COG5: variants seen among roughly 807,000 people sequenced by gnomAD.
COG5 encodes the protein conserved oligomeric Golgi complex subunit 5.
In COG5, 86 loss-of-function variants were observed where a neutral mutation model predicts 110.4. That is an observed-to-expected ratio of 0.78 (90% CI 0.65 to 0.93). COG5 has a LOEUF of 0.93. COG5 is among the 40% of genes least tolerant of loss of function. COG5 has a pLI of 0.00. For missense variants in COG5, 1,077 were observed against 987.0 expected (o/e 1.09, Z -1.22); for synonymous variants, 360 against 334.6 (o/e 1.08, Z -0.83).
chr7:107,501,482 T>C (rs998600704), intron 6 of COG5, among the ~76,000 whole-genome samples: 12 of 152,138 alleles, frequency 7.9e-5, no homozygotes, highest in Non-Finnish European at 1.5e-4. Context: ...CTAGAAATGC[T>C]TGCAACTTTA....
chr7:107,516,136 G>A (rs543304785), intron 6 of COG5, among the ~76,000 whole-genome samples: 2 of 152,220 alleles, frequency 1.3e-5, no homozygotes, highest in South Asian at 4.1e-4. Context: ...GCATTAAAAA[G>A]TACAATAAAT....
chr7:107,212,140 T>C (rs1157561259), intron 19 of COG5, among the ~76,000 whole-genome samples: 11 of 152,346 alleles, frequency 7.2e-5, no homozygotes, highest in Admixed American at 5.2e-4. Flanking sequence ...ATGTTCTCAA[T>C]AGATAGCTGG....
intron 14 of COG5, among the ~76,000 whole-genome samples, chr7:107,276,858 C>T (rs1439796287): frequency 6.6e-6 from 1 of 152,156 alleles, no homozygotes; most frequent in Non-Finnish European, 1.5e-5. Context: ...TATAACCTCA[C>T]AATTGCTGTC....
At chr7:107,428,561 C>T (rs889134509) in intron 6 of COG5, among the ~76,000 whole-genome samples, 2 of 152,332 alleles carry the variant, frequency 1.3e-5, no homozygotes, top group Non-Finnish European at 1.5e-5. Context: ...GAGAGTATGG[C>T]TCTGTTAACA....
intron 16 of COG5, among the ~76,000 whole-genome samples, chr7:107,254,668 T>C (rs74934104): frequency 1.3e-5 from 2 of 152,204 alleles, no homozygotes; most frequent in East Asian, 3.8e-4. Context: ...CAATTTTCCC[T>C]GCACTGACTC....
At chr7:107,267,443 A>G (rs1175013772) in intron 14 of COG5, among the ~76,000 whole-genome samples, 1 of 152,234 alleles carries the variant, frequency 6.6e-6, no homozygotes, top group Non-Finnish European at 1.5e-5. Flanking sequence ...AATTAAATTT[A>G]GAGTCATAAG....
Position 107,319,786 on chromosome 7 carries a change from T to C in COG5, c.1108+4654A>G, listed in dbSNP as rs374554842. Among the ~76,000 whole-genome samples the C allele has an allele frequency of 5.9e-5, 9 of 152,098 alleles. No homozygotes were observed. In the East Asian group the frequency reaches 7.7e-4, roughly 13 times the overall value. Reference sequence around the variant, plus strand: ...GCTGAGTGACTGAGTGATAAGAAACTGGTTTTCTCCAGTTTCAAAAAACAT... The same window carrying C: ...GCTGAGTGACTGAGTGATAAGAAACCGGTTTTCTCCAGTTTCAAAAAACAT... On this transcript the variant is annotated intron_variant, in intron 11 of 21. Transcript: ENST00000297135.
intron 12 of COG5, among the ~76,000 whole-genome samples, chr7:107,289,538 GC>G (rs1805984411): frequency 6.6e-6 from 1 of 152,074 alleles, no homozygotes; most frequent in Non-Finnish European, 1.5e-5. Context: ...AAAGAACTCA[GC>G]TGAGATTCTG....
At chr7:107,447,095 T>C (rs1471546551) in intron 6 of COG5, among the ~76,000 whole-genome samples, 4 of 152,188 alleles carry the variant, frequency 2.6e-5, no homozygotes, top group African/African-American at 9.6e-5. Flanking sequence ...TCCTTGTAGT[T>C]GCAGCACTGA....
intron 6 of COG5, among the ~76,000 whole-genome samples, chr7:107,483,504 G>A (rs1797468006): frequency 6.6e-6 from 1 of 152,012 alleles, no homozygotes; most frequent in Non-Finnish European, 1.5e-5. Flanking sequence ...TTGGGAGTTC[G>A]AGACCAGCCT....
At chr7:107,229,299 A>G (rs1200813154) in intron 19 of COG5, among the ~76,000 whole-genome samples, 4 of 152,126 alleles carry the variant, frequency 2.6e-5, no homozygotes, top group Non-Finnish European at 5.9e-5. Context: ...AAATACAAAA[A>G]TTAGCTGAGT....
In COG5 at chr7:107,404,497, C is replaced by T. The variant is rs558840920; in HGVS notation, c.669+8005G>A. Among the ~76,000 whole-genome samples, 46 of 152,156 alleles carry T rather than the reference C, an allele frequency of 3.0e-4. 1 individual carries two copies. In the South Asian group the frequency reaches 9.1e-3, roughly 30 times the overall value. ...AATTTGAGGATAAAATACATATAAG[C>T]TGTAGCATCTGTTCTAACAGGGAGC... On this transcript the variant is annotated intron_variant, in intron 7 of 21. Transcript: ENST00000297135.
At chr7:107,206,552 C>T (rs759487437) in intron 21 of COG5, among the ~76,000 whole-genome samples, 11 of 152,272 alleles carry the variant, frequency 7.2e-5, no homozygotes, top group Non-Finnish European at 1.5e-4. Context: ...TAAAGAAATC[C>T]CCAAGGGCTC....
chr7:107,559,008 G>A (rs897094791), intron 1 of COG5, among the ~76,000 whole-genome samples: 2 of 145,950 alleles, frequency 1.4e-5, no homozygotes, highest in Admixed American at 1.4e-4. Context: ...CAGGAAAATT[G>A]ACTCTATATA....
At chr7:107,496,275 C>G (rs1475932737) in intron 6 of COG5, among the ~76,000 whole-genome samples, 1 of 152,120 alleles carries the variant, frequency 6.6e-6, no homozygotes, top group African/African-American at 2.4e-5. Flanking sequence ...AATATACTAG[C>G]AAACCAAATT....
At chr7:107,343,672 C>A (rs1477860875) in intron 10 of COG5, among the ~76,000 whole-genome samples, 2 of 152,126 alleles carry the variant, frequency 1.3e-5, no homozygotes, top group East Asian at 1.9e-4. Context: ...CAGAGGGAGA[C>A]CCTGTCTCAA....
At chr7:107,431,459 C>T (rs183452117) in intron 6 of COG5, among the ~76,000 whole-genome samples, 1 of 152,230 alleles carries the variant, frequency 6.6e-6, no homozygotes, top group Non-Finnish European at 1.5e-5. Flanking sequence ...GTTTATTTTA[C>T]TATTCTTTCA....
intron 6 of COG5, among the ~76,000 whole-genome samples, chr7:107,518,471 C>T (rs1451655239): frequency 6.6e-6 from 1 of 151,834 alleles, no homozygotes; most frequent in African/African-American, 2.4e-5. Flanking sequence ...GAAAATTTAC[C>T]AAGCAAATGG....
intron 6 of COG5, among the ~76,000 whole-genome samples, chr7:107,449,571 T>TA (rs1795211437): frequency 1.3e-5 from 2 of 152,218 alleles, no homozygotes; most frequent in African/African-American, 4.8e-5. Context: ...TCATAGTTTT[T>TA]AATGCAATAC....
Sources: gnomAD v4.1 joint callset for allele counts (sites outside exome capture counted in the v4.1 genomes callset) on GRCh38, gnomAD v4.1.1 for gene constraint, MANE v1.5 for transcripts, NCBI Gene and HGNC (gene_info 2026-07-23, HGNC 2026-07-21) for gene names.